TMEM87B: variants seen among roughly 807,000 people sequenced by gnomAD.
TMEM87B encodes transmembrane protein 87B.
TMEM87B carries 83 observed loss-of-function variants against 80.3 expected under a neutral mutation model. That is an observed-to-expected ratio of 1.03 (90% confidence interval 0.87 to 1.24). The LOEUF (loss-of-function observed/expected upper bound fraction) is 1.24. TMEM87B is among the 50% of genes most tolerant of loss of function. The pLI is 0.00. For synonymous variants in TMEM87B, 219 were observed against 230.5 expected, an observed-to-expected ratio of 0.95 and a Z score of 0.45; for missense variants, 625 against 674.4, an observed-to-expected ratio of 0.93 and a Z score of 0.81.
chr2:112,058,982 G>A (rs1382849877), intron 1 of TMEM87B, among the ~76,000 whole-genome samples: 2 of 152,166 alleles, frequency 1.3e-5, no homozygotes, highest in African/African-American at 2.4e-5. Flanking sequence ...AGTGTGTCTG[G>A]TTTAAAACAG....
chr2:112,089,588 T>G, intron 9 of TMEM87B, 37 bp from the exon 10 acceptor site: 1 of 1,603,640 alleles, frequency 6.2e-7, no homozygotes, highest in Non-Finnish European at 8.5e-7. Flanking sequence ...TCACCCATGC[T>G]TTTTCTTCTT....
intron 10 of TMEM87B, among the ~76,000 whole-genome samples, chr2:112,091,240 C>CAA (rs113068842): frequency 2.6e-5 from 3 of 114,344 alleles, no homozygotes; most frequent in Non-Finnish European, 1.9e-5. Flanking sequence ...AACTCCATCT[C>CAA]AAAAAAAAAA....
chr2:112,098,957 C>T (rs183300147), intron 14 of TMEM87B, among the ~76,000 whole-genome samples: 10 of 152,256 alleles, frequency 6.6e-5, no homozygotes, highest in Non-Finnish European at 8.8e-5. Flanking sequence ...AATAGGATAG[C>T]GAATGACTGA....
chr2:112,080,929 G>A (rs908038246), intron 6 of TMEM87B, 128 bp from the exon 7 acceptor site: 1 of 745,610 alleles, frequency 1.3e-6, no homozygotes, highest in Non-Finnish European at 2.3e-6. Flanking sequence ...CCAATACCAT[G>A]TATGTGCTAC....
intron 11 of TMEM87B, among the ~76,000 whole-genome samples, chr2:112,092,421 G>A (rs965308612): frequency 2.6e-5 from 4 of 152,198 alleles, no homozygotes; most frequent in Non-Finnish European, 5.9e-5. Flanking sequence ...CAAGAGCTGA[G>A]TGCCTTCCAG....
intron 11 of TMEM87B, chr2:112,095,109 T>C: frequency 4.5e-6 from 4 of 894,210 alleles, no homozygotes; most frequent in Non-Finnish European, 5.3e-6. Flanking sequence ...CTGTGGCCCT[T>C]CCTCCCCTTT....
At chr2:112,108,404 A>G (rs1330471417) in intron 17 of TMEM87B, among the ~76,000 whole-genome samples, 3 of 152,138 alleles carry the variant, frequency 2.0e-5, no homozygotes, top group East Asian at 1.9e-4. Context: ...TCTGTGTACT[A>G]TGATATTCCT....
At chr2:112,057,755 A>G (rs1273143238) in intron 1 of TMEM87B, among the ~76,000 whole-genome samples, 2 of 152,052 alleles carry the variant, frequency 1.3e-5, no homozygotes, top group Non-Finnish European at 2.9e-5. Context: ...ACACTGTGAT[A>G]TACTTGGGAT....
chr2:112,118,934 C>G lies in TMEM87B; in HGVS notation c.*2791C>G, dbSNP rs1680092378. The G allele has an allele frequency of 6.6e-6, 1 of 151,894 alleles. No homozygotes were observed. Among genetic ancestry groups the G allele is most frequent in the Admixed American group, 6.6e-5 (1 of 15,262 alleles). The allele number at this position is 151,894 out of a possible 1,614,324, so 9.4% of individuals were successfully genotyped here. On this transcript the variant is annotated 3_prime_UTR_variant, in exon 19 of 19. Transcript: ENST00000283206. ...TGTGTCTTTGTATGATCAAAGCATG[C>G]AATAAGCAATACAAAATACCAAGCC...
At chr2:112,068,401 A>G (rs1678502808) in intron 4 of TMEM87B, among the ~76,000 whole-genome samples, 1 of 152,152 alleles carries the variant, frequency 6.6e-6, no homozygotes, top group South Asian at 2.1e-4. Flanking sequence ...ACATCAGTGT[A>G]CTCCTCAATG....
intron 17 of TMEM87B, 47 bp from the exon 18 acceptor site, chr2:112,112,852 G>A: frequency 6.3e-7 from 1 of 1,586,210 alleles, no homozygotes; most frequent in Non-Finnish European, 8.6e-7. Flanking sequence ...GGATACACTG[G>A]CCTTACTGTT....
In TMEM87B at chr2:112,067,556, G is replaced by A. The variant is rs147172327; in HGVS notation, c.450+489G>A. Among the ~76,000 whole-genome samples the A allele has an allele frequency of 4.0e-3, 610 of 152,228 alleles. 3 individuals carry two copies. Among genetic ancestry groups the A allele is most frequent in the African/African-American group, 0.014 (584 of 41,530 alleles). ...AGAGCTTGCAGTGAGCCATGATTGC[G>A]CCACTGCACTCCAGCCTGGGCGACA... is the stretch of plus-strand genomic sequence containing the variant. On this transcript the variant is annotated intron_variant, in intron 4 of 18. Coordinates refer to ENST00000283206, the MANE Select transcript of TMEM87B (RefSeq NM_032824.3).
chr2:112,072,995 G>A (rs777475009), intron 4 of TMEM87B, among the ~76,000 whole-genome samples: 26 of 150,392 alleles, frequency 1.7e-4, no homozygotes, highest in South Asian at 1.5e-3. Context: ...CACCTCCCAG[G>A]TTCAAGTGAT....
intron 16 of TMEM87B, among the ~76,000 whole-genome samples, chr2:112,106,402 T>C (rs1213408010): frequency 6.6e-6 from 1 of 152,180 alleles, no homozygotes; most frequent in Non-Finnish European, 1.5e-5. Context: ...AAAGATTCCA[T>C]AGCCTGTTCA....
At position 112,086,182 on chromosome 2, in the gene TMEM87B, A is replaced by G. The variant is rs566477190; in HGVS notation, c.938+78A>G. 14 of 1,156,902 alleles carry G rather than the reference A, an allele frequency of 1.2e-5. No individual in the cohort carries two copies. The South Asian group carries it at 1.4e-4, about 12-fold the overall frequency. 71.7% of individuals were successfully genotyped at this position (1,156,902 alleles called of 1,614,324 possible). On this transcript the variant is annotated intron_variant, in intron 9 of 18. Transcript: ENST00000283206. ...CGTCTACATTATGACCTTTGTGAAAATGGAACTTCTAAGTATTGTAGTACA... is the reference window on the plus strand; with the variant it reads ...CGTCTACATTATGACCTTTGTGAAAGTGGAACTTCTAAGTATTGTAGTACA...
chr2:112,068,233 C>T (rs1678498689), intron 4 of TMEM87B, among the ~76,000 whole-genome samples: 1 of 151,772 alleles, frequency 6.6e-6, no homozygotes, highest in African/African-American at 2.4e-5. Context: ...AAAACAAAAA[C>T]AAAAATAAAC....
chr2:112,100,299 C>T (rs1389979446), intron 14 of TMEM87B, among the ~76,000 whole-genome samples: 1 of 152,112 alleles, frequency 6.6e-6, no homozygotes, highest in East Asian at 1.9e-4. Context: ...AATAAACTGA[C>T]AAGTGGTGGG....
At chr2:112,104,932 T>C (rs994006443) in intron 15 of TMEM87B, among the ~76,000 whole-genome samples, 1 of 152,200 alleles carries the variant, frequency 6.6e-6, no homozygotes, top group African/African-American at 2.4e-5. Context: ...ATGTTTATCT[T>C]GCATGAAAGT....
intron 9 of TMEM87B, among the ~76,000 whole-genome samples, chr2:112,088,230 T>G (rs1172588999): frequency 3.9e-5 from 6 of 152,240 alleles, no homozygotes; most frequent in African/African-American, 1.4e-4. Context: ...GAAGGCCTCT[T>G]GTTGAGGAAT....
Sources: allele counts gnomAD v4.1 joint callset (sites outside exome capture counted in the v4.1 genomes callset), GRCh38; gene constraint gnomAD v4.1.1; transcripts MANE v1.5; gene names NCBI Gene and HGNC (gene_info 2026-07-23, HGNC 2026-07-21).